Variants in FILIP1 observed in about 807,000 individuals in gnomAD.
FILIP1 encodes filamin-A-interacting protein 1.
Under a neutral mutation model 102.1 loss-of-function variants are expected in FILIP1, and 61 were observed. The observed-to-expected ratio is 0.60, with a 90% confidence interval of 0.49 to 0.74. FILIP1 has a LOEUF of 0.74. FILIP1 is among the 30% of genes least tolerant of loss of function. FILIP1 has a pLI of 0.00. For missense variants in FILIP1, 1,314 were observed against 1,441.2 expected (o/e 0.91, Z 1.43); for synonymous variants, 491 against 526.9 (o/e 0.93, Z 0.93).
intron 1 of FILIP1, among the ~76,000 whole-genome samples, chr6:75,442,111 A>C (rs1252498389): frequency 1.3e-5 from 2 of 151,696 alleles, no homozygotes; most frequent in African/African-American, 4.8e-5. Context: ...CTCACCTCCC[A>C]GATGGGGCGG....
chr6:75,386,163 C>T (rs890841918), intron 2 of FILIP1: 41 of 152,182 alleles, frequency 2.7e-4, no homozygotes, highest in African/African-American at 9.6e-4. Flanking sequence ...TTGACCTCTA[C>T]TGAGTTTTTG....
intron 1 of FILIP1, among the ~76,000 whole-genome samples, chr6:75,466,167 C>T (rs1012616686): frequency 6.6e-5 from 10 of 152,198 alleles, no homozygotes; most frequent in African/African-American, 1.9e-4. Context: ...TCCCTACTCA[C>T]GCTCAGCACT....
At chr6:75,355,417 C>A (rs1413098996) in intron 3 of FILIP1, among the ~76,000 whole-genome samples, 1 of 144,286 alleles carries the variant, frequency 6.9e-6, no homozygotes, top group Non-Finnish European at 1.5e-5. Context: ...TTTTTGAGAC[C>A]AAGTCTCACT....
At chr6:75,372,675 A>T (rs538851782) in intron 2 of FILIP1, among the ~76,000 whole-genome samples, 3 of 60,412 alleles carry the variant, frequency 5.0e-5, no homozygotes, top group African/African-American at 2.0e-4. Context: ...GAAAGAAAGA[A>T]AGAAAGAAAG....
downstream of FILIP1, chr6:75,308,032 C>A: frequency 4.1e-6 from 4 of 985,590 alleles, no homozygotes; most frequent in Non-Finnish European, 4.8e-6. Flanking sequence ...TATGGAGGAG[C>A]TAAAACTTCT....
At chr6:75,470,965 A>G (rs1450766816) in intron 1 of FILIP1, among the ~76,000 whole-genome samples, 2 of 152,022 alleles carry the variant, frequency 1.3e-5, no homozygotes, top group African/African-American at 4.8e-5. Flanking sequence ...GTTCAAGACC[A>G]GCCTAGGCCA....
At chr6:75,372,810 GAA>G (rs1342885755) in intron 2 of FILIP1, among the ~76,000 whole-genome samples, 4 of 149,958 alleles carry the variant, frequency 2.7e-5, no homozygotes, top group Non-Finnish European at 5.9e-5. Context: ...AAGAAAGAAA[GAA>G]AAGAGTTGGT....
intron 2 of FILIP1, among the ~76,000 whole-genome samples, chr6:75,379,845 C>T (rs994221146): frequency 3.3e-5 from 5 of 152,120 alleles, no homozygotes; most frequent in Non-Finnish European, 7.4e-5. Context: ...AACTACAATC[C>T]TCATCCCTGA....
At chr6:75,453,163 C>T (rs973591321) in intron 1 of FILIP1, among the ~76,000 whole-genome samples, 2 of 152,196 alleles carry the variant, frequency 1.3e-5, no homozygotes, top group African/African-American at 4.8e-5. Flanking sequence ...TTGTCTTTTT[C>T]TCCTGTCCTT....
chr6:75,480,506 C>G (rs760274524), intron 1 of FILIP1, among the ~76,000 whole-genome samples: 2 of 152,046 alleles, frequency 1.3e-5, no homozygotes, highest in Non-Finnish European at 2.9e-5. Flanking sequence ...CTCCACTGCT[C>G]CTGGCTCAAA....
At chr6:75,418,558 T>C (rs1468834456) in intron 1 of FILIP1, among the ~76,000 whole-genome samples, 3 of 152,206 alleles carry the variant, frequency 2.0e-5, no homozygotes, top group Non-Finnish European at 2.9e-5. Flanking sequence ...CTATTGTGCT[T>C]ACAAGGGTAG....
chr6:75,363,048 C>T, intron 2 of FILIP1, 131 bp from the exon 3 acceptor site: 1 of 841,556 alleles, frequency 1.2e-6, no homozygotes, highest in Non-Finnish European at 1.8e-6. Context: ...ACTGGGTATT[C>T]TGCTCTAATT....
chr6:75,297,307 C>A (rs1772708567), intron 6 of FILIP1, among the ~76,000 whole-genome samples: 1 of 152,114 alleles, frequency 6.6e-6, no homozygotes, highest in Admixed American at 6.5e-5. Context: ...ATAGTAATTA[C>A]ACACAGTGCA....
chr6:75,450,611 T>C (rs1778594699), intron 1 of FILIP1, among the ~76,000 whole-genome samples: 1 of 144,644 alleles, frequency 6.9e-6, no homozygotes, highest in Non-Finnish European at 1.5e-5. Flanking sequence ...GACACTGCAC[T>C]CCAGCCTGGG....
At chr6:75,457,486 A>G (rs1331245525) in intron 1 of FILIP1, among the ~76,000 whole-genome samples, 1 of 152,192 alleles carries the variant, frequency 6.6e-6, no homozygotes, top group Admixed American at 6.5e-5. Flanking sequence ...ATCCCTAGGC[A>G]CTGAAAAGAT....
intron 4 of FILIP1, among the ~76,000 whole-genome samples, chr6:75,323,844 C>T (rs926414773): frequency 1.1e-4 from 9 of 81,670 alleles, no homozygotes; most frequent in South Asian, 4.4e-4. Context: ...GTTCCCCCCA[C>T]GCTGTTATAA....
chr6:75,453,323 TATA>T (rs1778701016), intron 1 of FILIP1, among the ~76,000 whole-genome samples: 1 of 152,224 alleles, frequency 6.6e-6, no homozygotes, highest in African/African-American at 2.4e-5. Flanking sequence ...AGCACTGAAA[TATA>T]TTGTCCTATT....
intron 1 of FILIP1, among the ~76,000 whole-genome samples, chr6:75,482,126 A>G (rs1304387873): frequency 6.6e-6 from 1 of 152,176 alleles, no homozygotes; most frequent in Admixed American, 6.5e-5. Flanking sequence ...TTCCATCACA[A>G]TACATCACCA....
chr6:75,482,758 CACTAACTGTTACTGCCATGTTT>C (rs1562663010), intron 1 of FILIP1, among the ~76,000 whole-genome samples: 1 of 152,140 alleles, frequency 6.6e-6, no homozygotes, highest in Non-Finnish European at 1.5e-5. Flanking sequence ...CATCAATGGT[CACTAACTGTTACTGCCATGTTT>C]ATCAAGGAAA....
Sources: allele counts gnomAD v4.1 joint callset (sites outside exome capture counted in the v4.1 genomes callset), GRCh38; gene constraint gnomAD v4.1.1; transcripts MANE v1.5; gene names NCBI Gene and HGNC (gene_info 2026-07-23, HGNC 2026-07-21).